IAPP: variants seen among roughly 807,000 people sequenced by gnomAD.
The protein encoded by IAPP is Islet amyloid polypeptide (diabetes-associated peptide; amylin).
Under a neutral mutation model 2.9 loss-of-function variants are expected in IAPP, and 4 were observed. That is an observed-to-expected ratio of 1.39 (90% CI 0.69 to 3.19). The LOEUF (loss-of-function observed/expected upper bound fraction) is 3.19. IAPP is among the 30% of genes most tolerant of loss of function. The pLI, the probability that IAPP is intolerant of heterozygous loss-of-function variation, is 0.01. For synonymous variants in IAPP, 40 were observed against 42.1 expected (o/e 0.95, Z 0.19); for missense variants, 114 against 105.3 (o/e 1.08, Z -0.36).
chr12:21,368,036 A>T (rs1939517470), upstream of IAPP, among the ~76,000 whole-genome samples: 1 of 152,202 alleles, frequency 6.6e-6, no homozygotes, highest in Non-Finnish European at 1.5e-5. Flanking sequence ...GGCAATTATC[A>T]GCAAAGATTG....
At chr12:21,365,461 C>T (rs535578499) in intron 1 of IAPP, among the ~76,000 whole-genome samples, 1 of 152,282 alleles carries the variant, frequency 6.6e-6, no homozygotes, top group South Asian at 2.1e-4. Context: ...AAAACCTAGG[C>T]CATACCATTC....
At chr12:21,368,754 G>C (rs891303667), upstream of IAPP, among the ~76,000 whole-genome samples, 1 of 151,950 alleles carries the variant, frequency 6.6e-6, no homozygotes, top group African/African-American at 2.4e-5. Flanking sequence ...ACATTTGAAA[G>C]TTCCCAAAAG....
chr12:21,372,112 C>T (rs1385955086), upstream of IAPP, among the ~76,000 whole-genome samples: 1 of 152,104 alleles, frequency 6.6e-6, no homozygotes, highest in Admixed American at 6.5e-5. Flanking sequence ...CTACAAAGTA[C>T]TGTGTGAGCT....
At chr12:21,361,658 G>A (rs1028936489) in intron 1 of IAPP, among the ~76,000 whole-genome samples, 2 of 152,086 alleles carry the variant, frequency 1.3e-5, no homozygotes, top group African/African-American at 2.4e-5. Context: ...AAGAGTAGAC[G>A]AATGGCAGTG....
intron 1 of IAPP, among the ~76,000 whole-genome samples, chr12:21,365,801 C>T (rs1355095092): frequency 6.6e-6 from 1 of 152,150 alleles, no homozygotes; most frequent in Admixed American, 6.5e-5. Context: ...TGAAAAAATG[C>T]TCATCATCAC....
upstream of IAPP, among the ~76,000 whole-genome samples, chr12:21,371,990 T>C (rs1195693506): frequency 7.0e-6 from 1 of 142,938 alleles, no homozygotes; most frequent in African/African-American, 2.6e-5. Flanking sequence ...CAACAAAGAG[T>C]GAAACTTCAT....
At chr12:21,362,674 G>T (rs12308945) in intron 1 of IAPP, among the ~76,000 whole-genome samples, 2 of 151,910 alleles carry the variant, frequency 1.3e-5, no homozygotes, top group African/African-American at 4.8e-5. Flanking sequence ...GCAGAGACAC[G>T]CATAGGCTCA....
chr12:21,361,571 A>C (rs1306743246), intron 1 of IAPP, among the ~76,000 whole-genome samples: 1 of 152,118 alleles, frequency 6.6e-6, no homozygotes, highest in Admixed American at 6.6e-5. Context: ...AGGCTTCAGA[A>C]GATTGGTAAT....
intron 1 of IAPP, among the ~76,000 whole-genome samples, chr12:21,362,270 C>A (rs1202545320): frequency 1.3e-5 from 2 of 152,148 alleles, no homozygotes; most frequent in Non-Finnish European, 2.9e-5. Flanking sequence ...AAAGAATTTT[C>A]AACCCAGAAT....
At chr12:21,371,506 A>G (rs1939786824), upstream of IAPP, among the ~76,000 whole-genome samples, 1 of 152,162 alleles carries the variant, frequency 6.6e-6, no homozygotes, top group African/African-American at 2.4e-5. Context: ...TCCTCCTGAA[A>G]TCTCTACCAA....
intron 1 of IAPP, among the ~76,000 whole-genome samples, chr12:21,360,256 G>A (rs1039021607): frequency 2.2e-4 from 33 of 152,204 alleles, no homozygotes; most frequent in African/African-American, 7.2e-4. Flanking sequence ...TCAGGAGTGT[G>A]TGCATTGGCC....
Position 21,378,287 on chromosome 12 carries a change from G to C in IAPP, c.131G>C (p.Arg44Pro). The change falls in exon 3 of 3, where the codon CGC (arginine) becomes CCC (proline). Residue 44 changes from arginine (R) to proline (P), a missense_variant. Coordinates refer to ENST00000240652, the MANE Select transcript of IAPP (RefSeq NM_000415.3). ...KCNTATCATQ[R>P]LANFLVHSSN... ...AACACTGCCACATGTGCAACGCAGC[G>C]CCTGGCAAATTTTTTAGTTCATTCC... is the stretch of plus-strand genomic sequence containing the variant. The C allele has an allele frequency of 6.2e-7, 1 of 1,614,130 alleles. No individual in the cohort carries two copies. The highest frequency in any genetic ancestry group is 1.1e-5 in the South Asian group (1 of 91,078).
intron 1 of IAPP, among the ~76,000 whole-genome samples, chr12:21,360,718 A>T (rs76535130): frequency 2.0e-5 from 3 of 152,218 alleles, no homozygotes; most frequent in Non-Finnish European, 4.4e-5. Context: ...AGCCTTAGCA[A>T]ATGGCACACC....
rs560636691 is a variant in IAPP, at chr12:21,363,347, T to C, written c.-16+8334T>C. Among the ~76,000 whole-genome samples the C allele has an allele frequency of 8.7e-3, 1,323 of 152,130 alleles. 16 individuals are homozygous for C. The highest frequency in any genetic ancestry group is 0.03 in the African/African-American group (1,238 of 41,456). On this transcript the variant is annotated intron_variant, in intron 1 of 2. Coordinates refer to the IAPP transcript ENST00000539393. ...AAATAAAGATGTTCTTTGAAACGAATGAGAACAAAGACACAACATACCAGA... is the reference window on the plus strand; with the variant it reads ...AAATAAAGATGTTCTTTGAAACGAACGAGAACAAAGACACAACATACCAGA...
intron 1 of IAPP, 60 bp downstream of exon 1, chr12:21,373,064 T>C (rs1939916822): frequency 2.5e-6 from 1 of 396,870 alleles, no homozygotes; most frequent in South Asian, 3.3e-5. Context: ...ACACTTGGTG[T>C]TAAATTCATG....
chr12:21,374,325 A>G (rs2137097401), intron 2 of IAPP: 1 of 152,400 alleles, frequency 6.6e-6, no homozygotes, highest in South Asian at 2.1e-4. Flanking sequence ...TTTGTGCCTA[A>G]ATTAGTTTTG....
At position 21,377,482 on chromosome 12, in the gene IAPP, A is replaced by G. The variant is rs147320369; in HGVS notation, c.81-755A>G. ...CAATACATTATTCTGGATTATGTGC[A>G]AAATGTTGGGCAGCAGATCTCTAGA... On this transcript the variant is annotated intron_variant, in intron 2 of 2. Transcript: ENST00000240652. Among the ~76,000 whole-genome samples, 304 of 152,326 alleles carry G rather than the reference A, an allele frequency of 2.0e-3. 1 individual carries two copies. Among genetic ancestry groups the G allele is most frequent in the African/African-American group, 7.0e-3 (292 of 41,578 alleles).
chr12:21,361,430 G>A (rs1402807889), intron 1 of IAPP, among the ~76,000 whole-genome samples: 1 of 152,148 alleles, frequency 6.6e-6, no homozygotes, highest in Non-Finnish European at 1.5e-5. Flanking sequence ...CACAAAGATG[G>A]GGAGAAACCA....
At chr12:21,370,186 T>C (rs949547244), upstream of IAPP, among the ~76,000 whole-genome samples, 3 of 152,180 alleles carry the variant, frequency 2.0e-5, no homozygotes, top group Non-Finnish European at 4.4e-5. Flanking sequence ...TCACTTATAT[T>C]CTTTGAATCT....
Sources: allele counts gnomAD v4.1 joint callset (sites outside exome capture counted in the v4.1 genomes callset), GRCh38; gene constraint gnomAD v4.1.1; transcripts MANE v1.5; gene names NCBI Gene and HGNC (gene_info 2026-07-23, HGNC 2026-07-21).